Variants in PRKCE observed in about 807,000 individuals in gnomAD.
PRKCE encodes the protein protein kinase C epsilon.
In PRKCE, 16 loss-of-function variants were observed where a neutral mutation model predicts 85.4. The observed-to-expected ratio is 0.19, with a 90% CI of 0.13 to 0.28. The LOEUF is 0.28. Ranked by LOEUF, PRKCE falls within the 10% of genes least tolerant of loss-of-function variation. PRKCE has a pLI of 1.00. For missense variants in PRKCE, 573 were observed against 975.2 expected (o/e 0.59, Z 5.49); for synonymous variants, 388 against 371.5 (o/e 1.04, Z -0.51).
intron 6 of PRKCE, among the ~76,000 whole-genome samples, chr2:45,997,842 C>T (rs112706839): frequency 5.9e-5 from 9 of 152,158 alleles, no homozygotes; most frequent in Non-Finnish European, 1.0e-4. Flanking sequence ...CTTCCATACC[C>T]GGCCGGTAAG....
chr2:45,797,755 T>G (rs1450874013), intron 1 of PRKCE, among the ~76,000 whole-genome samples: 2 of 152,230 alleles, frequency 1.3e-5, no homozygotes, highest in African/African-American at 4.8e-5. Context: ...CCCAGCCCCA[T>G]CTTTTTCAAT....
Position 45,851,226 on chromosome 2 carries a change from A to T in PRKCE, c.412+8163A>T, listed in dbSNP as rs1374068488. 3.9e-5 allele frequency among the ~76,000 whole-genome samples: 6 copies of T among 152,238 alleles called. No individual in the cohort carries two copies. In the East Asian group the frequency reaches 1.2e-3, roughly 29 times the overall value. On this transcript the variant is annotated intron_variant, in intron 2 of 14. Transcript: ENST00000306156. ...CCACGGCCCACTGAAGATTCATTTGAACAGGAGATAAAATAAAGAGGGACT... is the reference window on the plus strand; with the variant it reads ...CCACGGCCCACTGAAGATTCATTTGTACAGGAGATAAAATAAAGAGGGACT...
Position 45,757,984 on chromosome 2 carries a change from C to A in PRKCE, c.349-85016C>A, listed in dbSNP as rs188819190. 3.4e-3 allele frequency among the ~76,000 whole-genome samples: 524 copies of A among 152,222 alleles called. 3 individuals carry two copies. The highest frequency in any genetic ancestry group is 0.012 in the African/African-American group (496 of 41,538). On this transcript the variant is annotated intron_variant, in intron 1 of 14. Transcript: ENST00000306156. The stretch of plus-strand genomic sequence containing the variant: ...TCCAAGTGACTTCAATGACTGGGGA[C>A]AATGTTAAAGGCAGTGAGGTACAAA...
At chr2:45,888,465 CTTTTT>C (rs34871432) in intron 2 of PRKCE, among the ~76,000 whole-genome samples, 2 of 74,760 alleles carry the variant, frequency 2.7e-5, no homozygotes, top group Non-Finnish European at 4.8e-5. Flanking sequence ...TCCCAACAGT[CTTTTT>C]TTTTTTTTTT....
At chr2:45,829,680 T>A (rs1690239798) in intron 1 of PRKCE, among the ~76,000 whole-genome samples, 2 of 152,204 alleles carry the variant, frequency 1.3e-5, no homozygotes, top group African/African-American at 4.8e-5. Context: ...TTGGACACTG[T>A]ACTTACCCCA....
intron 10 of PRKCE, among the ~76,000 whole-genome samples, chr2:46,085,913 G>A (rs2103901311): frequency 6.6e-6 from 1 of 152,270 alleles, no homozygotes; most frequent in South Asian, 2.1e-4. Context: ...ACTTCCAGAT[G>A]ACAACAAAAA....
chr2:46,033,294 G>A (rs140548201), intron 10 of PRKCE, among the ~76,000 whole-genome samples: 210 of 152,298 alleles, frequency 1.4e-3, no homozygotes, highest in African/African-American at 4.3e-3. Context: ...CTCACTGGGC[G>A]TGGTGGTGGG....
In PRKCE at chr2:45,991,593, G is replaced by C. The variant is rs1460584881; in HGVS notation, c.823+6913G>C. Among the ~76,000 whole-genome samples the C allele has an allele frequency of 2.6e-5, 4 of 152,186 alleles. No individual in the cohort carries two copies. The South Asian group carries it at 8.3e-4, about 32-fold the overall frequency. ...AGATTGTTTAAAATGTTGCCCTCTTGATGGATGTTTACTGGTTTGTGTGTT... is the reference window on the plus strand; with the variant it reads ...AGATTGTTTAAAATGTTGCCCTCTTCATGGATGTTTACTGGTTTGTGTGTT... On this transcript the variant is annotated intron_variant, in intron 6 of 14. Coordinates refer to ENST00000306156, the MANE Select transcript of PRKCE (RefSeq NM_005400.3).
At chr2:45,724,240 T>C (rs1245869546) in intron 1 of PRKCE, among the ~76,000 whole-genome samples, 6 of 152,222 alleles carry the variant, frequency 3.9e-5, no homozygotes, top group Non-Finnish European at 7.3e-5. Context: ...TTCAAACTTT[T>C]TGGTACAATT....
chr2:45,718,083 A>C (rs1010950556), intron 1 of PRKCE, among the ~76,000 whole-genome samples: 1 of 152,202 alleles, frequency 6.6e-6, no homozygotes, highest in African/African-American at 2.4e-5. Flanking sequence ...AGCACTCAGC[A>C]CTATTGACAT....
At chr2:45,712,237 T>C (rs1292895054) in intron 1 of PRKCE, among the ~76,000 whole-genome samples, 1 of 128,876 alleles carries the variant, frequency 7.8e-6, no homozygotes, top group Admixed American at 9.7e-5. Flanking sequence ...AACCTCCACC[T>C]CCCAGGTTCA....
intron 13 of PRKCE, among the ~76,000 whole-genome samples, chr2:46,153,235 G>A (rs1268272417): frequency 1.3e-5 from 2 of 152,168 alleles, no homozygotes; most frequent in African/African-American, 2.4e-5. Flanking sequence ...GATAAGAGAA[G>A]TGAAGGAGGC....
At chr2:45,719,990 A>G (rs770532456) in intron 1 of PRKCE, among the ~76,000 whole-genome samples, 2 of 152,208 alleles carry the variant, frequency 1.3e-5, no homozygotes, top group Non-Finnish European at 1.5e-5. Context: ...GACTGTTAGT[A>G]GGGAGTTCAC....
At chr2:46,105,469 A>G (rs914371376) in intron 11 of PRKCE, among the ~76,000 whole-genome samples, 87 of 148,944 alleles carry the variant, frequency 5.8e-4, no homozygotes, top group African/African-American at 1.9e-3. Flanking sequence ...TTTTTTCACA[A>G]TAGTGCTTAC....
chr2:46,032,536 T>C lies in PRKCE; in HGVS notation c.1437+22019T>C, dbSNP rs1574288777. On this transcript the variant is annotated intron_variant, in intron 10 of 14. Coordinates refer to ENST00000306156, the MANE Select transcript of PRKCE (RefSeq NM_005400.3). Reference sequence around the variant, plus strand: ...CGCTGGTTGTCCCCAGTTGTACAGTTTGTTAAAGTCTACCGTGTTTTTTTT... The same window carrying C: ...CGCTGGTTGTCCCCAGTTGTACAGTCTGTTAAAGTCTACCGTGTTTTTTTT... Among the ~76,000 whole-genome samples, 3 of 152,300 alleles carry C rather than the reference T, an allele frequency of 2.0e-5. No individual in the cohort carries two copies. The East Asian group carries it at 5.8e-4, about 29-fold the overall frequency.
At chr2:45,743,536 G>A (rs1300408821) in intron 1 of PRKCE, among the ~76,000 whole-genome samples, 1 of 151,602 alleles carries the variant, frequency 6.6e-6, no homozygotes, top group Admixed American at 6.6e-5. Context: ...AGTTGCTCCG[G>A]AGAAAGGAAC....
chr2:45,756,612 TA>T (rs768192366), intron 1 of PRKCE, among the ~76,000 whole-genome samples: 1 of 152,172 alleles, frequency 6.6e-6, no homozygotes, highest in Non-Finnish European at 1.5e-5. Context: ...ATAGAATGGA[TA>T]AACAAATTGT....
chr2:45,851,362 G>A (rs911584520), intron 2 of PRKCE, among the ~76,000 whole-genome samples: 1 of 152,312 alleles, frequency 6.6e-6, no homozygotes, highest in East Asian at 1.9e-4. Flanking sequence ...ACTCTTCTCA[G>A]AACTGGGGGC....
intron 10 of PRKCE, among the ~76,000 whole-genome samples, chr2:46,082,559 A>G (rs1465410607): frequency 6.6e-6 from 1 of 152,114 alleles, no homozygotes; most frequent in African/African-American, 2.4e-5. Flanking sequence ...GGAGCTTGTG[A>G]GTCATCTGCA....
Sources: gnomAD v4.1 joint callset for allele counts (sites outside exome capture counted in the v4.1 genomes callset) on GRCh38, gnomAD v4.1.1 for gene constraint, MANE v1.5 for transcripts, NCBI Gene and HGNC (gene_info 2026-07-23, HGNC 2026-07-21) for gene names.